MED16: variants seen among roughly 807,000 people sequenced by gnomAD.
The protein encoded by MED16 is mediator complex subunit 16, also known as mediator of RNA polymerase II transcription subunit 16.
A neutral mutation model predicts 84.4 loss-of-function variants in MED16; 81 were observed. The observed-to-expected ratio is 0.96, with a 90% CI of 0.80 to 1.15. The LOEUF (loss-of-function observed/expected upper bound fraction) is 1.15. Ranked by LOEUF, MED16 falls within the 50% of genes most tolerant of loss-of-function variation. MED16 has a pLI of 0.00. For synonymous variants in MED16, 897 were observed against 552.2 expected (o/e 1.62, Z -8.76); for missense variants, 1,585 against 1,245.9 (o/e 1.27, Z -4.10).
intron 4 of MED16, among the ~76,000 whole-genome samples, chr19:888,704 C>A (rs1290241762): frequency 6.6e-6 from 1 of 152,086 alleles, no homozygotes; most frequent in Admixed American, 6.6e-5. Flanking sequence ...TACAGACAAA[C>A]GGGGACCGCA....
At chr19:892,297 C>T (rs1161282628) in intron 1 of MED16, 4 of 158,072 alleles carry the variant, frequency 2.5e-5, no homozygotes, top group Non-Finnish European at 4.2e-5. Context: ...CCACCCCTGA[C>T]CCCCTTTGCT....
intron 4 of MED16, 71 bp downstream of exon 4, chr19:889,567 A>T: frequency 6.5e-7 from 1 of 1,529,070 alleles, no homozygotes; most frequent in Admixed American, 1.9e-5. Context: ...TGGAGAGGAG[A>T]GGGGCTGGCG....
intron 8 of MED16, among the ~76,000 whole-genome samples, chr19:877,460 G>T (rs549275659): frequency 1.8e-4 from 28 of 151,838 alleles, no homozygotes; most frequent in South Asian, 1.5e-3. Flanking sequence ...AGTCTACCCC[G>T]TGAAAGGCGG....
intron 7 of MED16, 87 bp from the exon 8 acceptor site, chr19:880,235 G>C (rs2036392064): frequency 1.5e-6 from 2 of 1,304,138 alleles, no homozygotes; most frequent in Non-Finnish European, 2.0e-6. Flanking sequence ...AGGGTGTGGA[G>C]AGCCGGGGCT....
chr19:868,681 G>A (rs1321145234), intron 14 of MED16, among the ~76,000 whole-genome samples, 182 bp from the exon 15 acceptor site: 1 of 152,082 alleles, frequency 6.6e-6, no homozygotes, highest in Non-Finnish European at 1.5e-5. Context: ...GCTGCTCCCT[G>A]AACTAGCCCC....
intron 10 of MED16, among the ~76,000 whole-genome samples, chr19:874,654 G>T (rs1482470733): frequency 6.6e-6 from 1 of 152,176 alleles, no homozygotes; most frequent in Non-Finnish European, 1.5e-5. Context: ...GAGGTGAAAG[G>T]ATCGCTTGAG....
At chr19:874,526 G>A (rs924122626) in intron 10 of MED16, among the ~76,000 whole-genome samples, 5 of 152,140 alleles carry the variant, frequency 3.3e-5, no homozygotes, top group Admixed American at 2.0e-4. Flanking sequence ...TGGGCAAGCT[G>A]CTTAGCCTTT....
intron 3 of MED16, 77 bp from the exon 4 acceptor site, chr19:889,884 G>A (rs1056568907): frequency 6.1e-6 from 9 of 1,487,600 alleles, no homozygotes; most frequent in Non-Finnish European, 8.1e-6. Flanking sequence ...ACAGCGCCTG[G>A]GGGAAGCCAG....
At chr19:876,911 G>GGAGCCCCACCTGCCACA (rs2036251287) in intron 9 of MED16, 63 bp downstream of exon 9, 2 of 1,296,568 alleles carry the variant, frequency 1.5e-6, no homozygotes, top group Non-Finnish European at 2.1e-6. Context: ...CACCTGCCAC[G>GGAGCCCCACCTGCCACA]GGGCCCCCAC....
intron 9 of MED16, among the ~76,000 whole-genome samples, chr19:876,565 A>G (rs1041828362): frequency 5.3e-5 from 8 of 152,092 alleles, no homozygotes; most frequent in Non-Finnish European, 8.8e-5. Context: ...TTCCCAGGTA[A>G]GGAAGGAAAC....
rs1186861000 is a variant in MED16 at position 884,959 on chromosome 19, G to C, written c.929C>G (p.Ser310Cys). ...SQTSSIVECWSLRKEGLPVNN... is the reference protein window; with the variant it reads ...SQTSSIVECWCLRKEGLPVNN... Reference sequence around the variant, plus strand: ...CACGGGGAGTCCCTCCTTGCGCAGGGACCAGCACTCCACGATGCTGCTGGT... The same window carrying C: ...CACGGGGAGTCCCTCCTTGCGCAGGCACCAGCACTCCACGATGCTGCTGGT... The change falls in exon 6 of 16, where the codon TCC becomes TGC. Residue 310 changes from serine (S) to cysteine (C), a missense_variant. By Grantham distance (112) the Ser-to-Cys change is moderately radical. Transcript: ENST00000325464. 1 of 1,609,242 alleles carries C rather than the reference G, an allele frequency of 6.2e-7. No homozygotes were observed. The highest frequency in any genetic ancestry group is 8.5e-7 in the Non-Finnish European group (1 of 1,179,340).
intron 4 of MED16, 46 bp downstream of exon 4, chr19:889,592 G>A: frequency 3.2e-6 from 5 of 1,566,022 alleles, no homozygotes; most frequent in South Asian, 1.2e-5. Flanking sequence ...GCTGGGTAGG[G>A]TGACATCTCA....
chr19:883,586 ATGTG>A (rs999223049), intron 6 of MED16, among the ~76,000 whole-genome samples: 4 of 152,076 alleles, frequency 2.6e-5, no homozygotes, highest in African/African-American at 9.7e-5. Context: ...AGGCTGTGGC[ATGTG>A]TGTGAGACGT....
chr19:875,400 A>G lies in MED16; in HGVS notation c.1615T>C (p.Cys539Arg), dbSNP rs1294726489. 2 of 1,607,952 alleles carry G rather than the reference A, an allele frequency of 1.2e-6. No homozygotes were observed. Among genetic ancestry groups the G allele is most frequent in the East Asian group, 2.2e-5 (1 of 44,878 alleles). Residue 539 changes from cysteine (C) to arginine (R), a missense_variant, in exon 10 of 16, where the codon TGC (cysteine) becomes CGC (arginine). Cys to Arg is a radical substitution (Grantham distance 180). Coordinates refer to ENST00000325464, the MANE Select transcript of MED16 (RefSeq NM_005481.3). ...MKASLCKLSP[C>R]TVTRVCDYHT... The stretch of plus-strand genomic sequence containing the variant: ...TAGTCGCACACGCGGGTCACCGTGC[A>G]GGGCGACAGCTTGCAGAGCGAGGCC...
intron 7 of MED16, among the ~76,000 whole-genome samples, chr19:880,873 C>T (rs932004425): frequency 3.4e-5 from 5 of 149,130 alleles, no homozygotes; most frequent in Non-Finnish European, 7.4e-5. Context: ...TGCAGTGAGC[C>T]GAGATCACAC....
At chr19:892,079 C>G (rs553969652) in intron 1 of MED16, among the ~76,000 whole-genome samples, 10 of 151,182 alleles carry the variant, frequency 6.6e-5, no homozygotes, top group Non-Finnish European at 1.2e-4. Context: ...GGCTGAGTGT[C>G]ACAGGGAACA....
intron 8 of MED16, among the ~76,000 whole-genome samples, chr19:877,615 C>G (rs558387974): frequency 3.9e-5 from 6 of 152,104 alleles, no homozygotes; most frequent in Non-Finnish European, 7.4e-5. Flanking sequence ...GTCCCTTCCC[C>G]CGGGGGCGCC....
In MED16 at chr19:872,931, AGGAGGGCTCCGAGGTGGG is replaced by A. The variant is rs545538885; in HGVS notation, c.1905+500_1905+517del. The stretch of plus-strand genomic sequence containing the variant: ...TTCTTACAGCAGAGGCTTCATGGAG[AGGAGGGCTCCGAGGTGGG>A]GGAGGGCTCCGAGGTGGGGCAGGGC... On this transcript the variant is annotated intron_variant, in intron 11 of 15. Coordinates refer to ENST00000325464, the MANE Select transcript of MED16 (RefSeq NM_005481.3). 102 of 984,742 alleles carry A rather than the reference AGGAGGGCTCCGAGGTGGG, an allele frequency of 1.0e-4. 5 individuals are homozygous for A. The highest frequency in any genetic ancestry group is 9.4e-4 in the Admixed American group (14 of 14,870). The allele number at this position is 984,742 out of a possible 1,614,324, so 61.0% of individuals were successfully genotyped here.
At chr19:868,606 C>A (rs1441275951) in intron 14 of MED16, 107 bp from the exon 15 acceptor site, 1 of 1,438,232 alleles carries the variant, frequency 7.0e-7, no homozygotes, top group Non-Finnish European at 9.4e-7. Flanking sequence ...CCGTCCCTCA[C>A]GCCTGCTCCC....
Sources: gnomAD v4.1 joint callset for allele counts (sites outside exome capture counted in the v4.1 genomes callset) on GRCh38, gnomAD v4.1.1 for gene constraint, MANE v1.5 for transcripts, NCBI Gene and HGNC (gene_info 2026-07-23, HGNC 2026-07-21) for gene names.